PTPRD: variants seen among roughly 807,000 people sequenced by gnomAD.
PTPRD encodes the protein protein tyrosine phosphatase receptor type D.
PTPRD carries 34 observed loss-of-function variants against 214.5 expected under a neutral mutation model. That is an observed-to-expected ratio of 0.16 (90% CI 0.12 to 0.21). The LOEUF is 0.21. Among genes scored for constraint, PTPRD ranks in the 10% least tolerant of loss-of-function variants. The pLI, the probability that PTPRD is intolerant of heterozygous loss-of-function variation, is 1.00. For missense variants in PTPRD, 2,545 were observed against 2,398.7 expected (o/e 1.06, Z -1.27); for synonymous variants, 1,128 against 845.7 (o/e 1.33, Z -5.79).
rs189908881 is a variant in PTPRD, at chr9:10,563,754, T to G, written c.-600+48644A>C. Among the ~76,000 whole-genome samples the G allele has an allele frequency of 6.4e-4, 97 of 152,188 alleles. 1 individual carries two copies. The highest frequency in any genetic ancestry group is 2.0e-3 in the African/African-American group (85 of 41,548). ...AAATGGTTGTATAAATAAGATGTTT[T>G]GCTTTTGAACAAATTTTGATGTTGA... On this transcript the variant is annotated intron_variant, in intron 2 of 45. Transcript: ENST00000381196.
intron 3 of PTPRD, among the ~76,000 whole-genome samples, chr9:10,325,389 G>A (rs1478235862): frequency 1.3e-5 from 2 of 151,870 alleles, no homozygotes; most frequent in Non-Finnish European, 2.9e-5. Flanking sequence ...GTTTTTTGGG[G>A]AAGATGAATT....
At chr9:9,730,358 C>A (rs2098167179) in intron 7 of PTPRD, among the ~76,000 whole-genome samples, 1 of 152,032 alleles carries the variant, frequency 6.6e-6, no homozygotes, top group African/African-American at 2.4e-5. Flanking sequence ...AGCCATTAAT[C>A]ATCATTGCGT....
intron 3 of PTPRD, among the ~76,000 whole-genome samples, chr9:10,265,852 T>A (rs998841990): frequency 1.3e-5 from 2 of 152,204 alleles, no homozygotes; most frequent in Non-Finnish European, 2.9e-5. Flanking sequence ...TAAAATTCTG[T>A]CATTAGAAGT....
At chr9:9,103,476 C>T (rs2099794141) in intron 10 of PTPRD, among the ~76,000 whole-genome samples, 1 of 151,892 alleles carries the variant, frequency 6.6e-6, no homozygotes, top group Non-Finnish European at 1.5e-5. Flanking sequence ...ATATGATGAA[C>T]TTATATATGT....
chr9:9,777,660 G>A (rs936853894), intron 5 of PTPRD, among the ~76,000 whole-genome samples: 15 of 152,184 alleles, frequency 9.9e-5, no homozygotes, highest in African/African-American at 3.4e-4. Flanking sequence ...TCACATCACT[G>A]CACTGTAGTG....
chr9:9,298,468 T>A (rs1204742170), intron 9 of PTPRD, among the ~76,000 whole-genome samples: 12 of 151,774 alleles, frequency 7.9e-5, no homozygotes, highest in African/African-American at 2.9e-4. Flanking sequence ...AAAGTTGTAA[T>A]AGGGTAAGAT....
chr9:8,825,107 A>T (rs368356139), intron 11 of PTPRD, among the ~76,000 whole-genome samples: 1 of 152,128 alleles, frequency 6.6e-6, no homozygotes, highest in East Asian at 1.9e-4. Context: ...TTAAATATTT[A>T]TGAGTTGGGT....
chr9:8,353,582 G>A (rs544916120), intron 39 of PTPRD, among the ~76,000 whole-genome samples: 6 of 151,900 alleles, frequency 3.9e-5, no homozygotes, highest in Admixed American at 6.6e-5. Flanking sequence ...ACTGGCACAC[G>A]CCACTACACC....
chr9:8,626,541 G>A (rs912381105), intron 14 of PTPRD, among the ~76,000 whole-genome samples: 4 of 151,870 alleles, frequency 2.6e-5, no homozygotes, highest in African/African-American at 9.6e-5. Flanking sequence ...ATGTTATCTT[G>A]AGCATTACTG....
chr9:9,335,870 T>C (rs2044238926), intron 9 of PTPRD, among the ~76,000 whole-genome samples: 1 of 152,042 alleles, frequency 6.6e-6, no homozygotes, highest in South Asian at 2.1e-4. Context: ...CAGCATCTAA[T>C]GAAATGTAAC....
At chr9:9,497,515 C>G (rs1224618558) in intron 8 of PTPRD, among the ~76,000 whole-genome samples, 1 of 152,046 alleles carries the variant, frequency 6.6e-6, no homozygotes, top group Non-Finnish European at 1.5e-5. Context: ...TTCACTCAAA[C>G]TAAGTTTATA....
intron 9 of PTPRD, among the ~76,000 whole-genome samples, chr9:9,211,175 T>C (rs2132819621): frequency 6.6e-6 from 1 of 152,172 alleles, no homozygotes; most frequent in Non-Finnish European, 1.5e-5. Context: ...TCTATGTCTC[T>C]TTTCATATTT....
At chr9:10,349,065 C>A (rs958841750) in intron 2 of PTPRD, among the ~76,000 whole-genome samples, 3 of 152,006 alleles carry the variant, frequency 2.0e-5, no homozygotes, top group African/African-American at 7.2e-5. Context: ...TGATTGTTTC[C>A]TCTGCCTTAT....
chr9:10,036,064 A>T (rs1424362037), intron 3 of PTPRD, among the ~76,000 whole-genome samples: 1 of 152,164 alleles, frequency 6.6e-6, no homozygotes, highest in Non-Finnish European at 1.5e-5. Context: ...TGGATATTCA[A>T]CATTGGTATC....
At chr9:8,707,707 AGGTCTCCTACTATTG>A (rs2098238739) in intron 12 of PTPRD, among the ~76,000 whole-genome samples, 1 of 152,214 alleles carries the variant, frequency 6.6e-6, no homozygotes, top group East Asian at 1.9e-4. Flanking sequence ...CAGAGAGAAA[AGGTCTCCTACTATTG>A]GGTTTAACCA....
intron 2 of PTPRD, among the ~76,000 whole-genome samples, chr9:10,446,133 C>T: frequency 6.6e-6 from 1 of 151,914 alleles, no homozygotes; most frequent in Non-Finnish European, 1.5e-5. Flanking sequence ...CACCCCACCC[C>T]CTTTGAAATA....
chr9:9,864,944 T>C (rs2063614031), intron 5 of PTPRD, among the ~76,000 whole-genome samples: 1 of 152,170 alleles, frequency 6.6e-6, no homozygotes, highest in Admixed American at 6.5e-5. Flanking sequence ...TGATTTTTAA[T>C]GTATTTCTGA....
intron 8 of PTPRD, among the ~76,000 whole-genome samples, chr9:9,552,172 G>A (rs1181305757): frequency 2.0e-5 from 3 of 151,848 alleles, no homozygotes; most frequent in African/African-American, 4.8e-5. Context: ...GGCTCAGAGA[G>A]GTAAATTGAT....
At chr9:10,546,964 C>T (rs965446512) in intron 2 of PTPRD, among the ~76,000 whole-genome samples, 5 of 152,018 alleles carry the variant, frequency 3.3e-5, no homozygotes, top group Non-Finnish European at 5.9e-5. Context: ...GTTTTTTAAT[C>T]GTGTGAGGGA....
Sources: allele counts gnomAD v4.1 joint callset (sites outside exome capture counted in the v4.1 genomes callset), GRCh38; gene constraint gnomAD v4.1.1; transcripts MANE v1.5; gene names NCBI Gene and HGNC (gene_info 2026-07-23, HGNC 2026-07-21).